FASTKD1: variants seen among roughly 807,000 people sequenced by gnomAD.
FASTKD1 encodes the protein FAST kinase domains 1.
A neutral mutation model predicts 90.9 loss-of-function variants in FASTKD1; 94 were observed. The ratio of observed to expected loss-of-function variants is 1.03; its 90% confidence interval spans 0.88 to 1.23. The LOEUF (loss-of-function observed/expected upper bound fraction) is 1.23. Ranked by LOEUF, FASTKD1 falls within the 50% of genes most tolerant of loss-of-function variation. FASTKD1 has a pLI of 0.00. For synonymous variants in FASTKD1, 319 were observed against 345.8 expected, an observed-to-expected ratio of 0.92 and a Z score of 0.86; for missense variants, 945 against 993.5, an observed-to-expected ratio of 0.95 and a Z score of 0.66.
At chr2:169,535,336 C>G (rs1166713122) in intron 12 of FASTKD1, among the ~76,000 whole-genome samples, 1 of 150,686 alleles carries the variant, frequency 6.6e-6, no homozygotes, top group Non-Finnish European at 1.5e-5. Context: ...GCCACCATGC[C>G]TGATAATTAT....
At chr2:169,572,790 A>G (rs1684291162) in intron 1 of FASTKD1, among the ~76,000 whole-genome samples, 1 of 152,204 alleles carries the variant, frequency 6.6e-6, no homozygotes, top group Non-Finnish European at 1.5e-5. Flanking sequence ...GTTTCAAGTC[A>G]TGCTGAAACA....
chr2:169,557,531 CTGTT>C (rs751168393), intron 5 of FASTKD1, among the ~76,000 whole-genome samples: 70 of 152,204 alleles, frequency 4.6e-4, no homozygotes, highest in Non-Finnish European at 8.5e-4. Context: ...CAATCTTAAA[CTGTT>C]TGAAAAATAC....
chr2:169,566,534 A>C (rs893579038), intron 3 of FASTKD1, among the ~76,000 whole-genome samples: 1 of 152,144 alleles, frequency 6.6e-6, no homozygotes, highest in African/African-American at 2.4e-5. Flanking sequence ...CAACATGGCG[A>C]AATCCCATCT....
chr2:169,546,210 A>C lies in FASTKD1; in HGVS notation c.1701+8T>G. 5.9e-6 allele frequency: 9 copies of C among 1,532,124 alleles called. No individual in the cohort carries two copies. The highest frequency in any genetic ancestry group is 7.9e-6 in the Non-Finnish European group (9 of 1,141,728). 94.9% of individuals were successfully genotyped at this position (1,532,124 alleles called of 1,614,324 possible). ...CTATAAAATTAATGTCTACCATTTA[A>C]ATTTCACCTTTTCAATCTGCTGAAC... On this transcript the variant is annotated splice_region_variant and intron_variant, in intron 8 of 14. Coordinates refer to ENST00000453153, the MANE Select transcript of FASTKD1 (RefSeq NM_024622.6).
chr2:169,572,834 T>C (rs1041981489), intron 1 of FASTKD1, among the ~76,000 whole-genome samples: 5 of 152,176 alleles, frequency 3.3e-5, no homozygotes, highest in East Asian at 1.9e-4. Flanking sequence ...GAAAAAAGAA[T>C]AATTTGTTTT....
In FASTKD1 at chr2:169,555,240, C is replaced by T. The variant is rs1180302156; in HGVS notation, c.1098G>A (p.Leu366=). 6.2e-7 allele frequency: 1 copy of T among 1,608,698 alleles called. No homozygotes were observed. ...SCLIKRVTSV[L]HKHLDGYKPL... Reference sequence around the variant, plus strand: ...GTTTATAGCCATCCAAATGTTTATGCAGAACTGAAGTAACTCTAAAAAGGA... The same window carrying T: ...GTTTATAGCCATCCAAATGTTTATGTAGAACTGAAGTAACTCTAAAAAGGA... The change falls in exon 7 of 15, where the codon CTG becomes CTA. Residue 366 remains leucine, a synonymous_variant. Coordinates refer to ENST00000453153, the MANE Select transcript of FASTKD1 (RefSeq NM_024622.6).
At chr2:169,570,420 T>C (rs1231625382) in intron 2 of FASTKD1, among the ~76,000 whole-genome samples, 2 of 152,172 alleles carry the variant, frequency 1.3e-5, no homozygotes, top group African/African-American at 2.4e-5. Flanking sequence ...GTTTTTCCAC[T>C]GACACCAAGG....
intron 3 of FASTKD1, among the ~76,000 whole-genome samples, chr2:169,563,792 C>T (rs1256822055): frequency 1.3e-5 from 2 of 152,038 alleles, no homozygotes; most frequent in African/African-American, 2.4e-5. Flanking sequence ...CACAGCAACA[C>T]ATATGTAATA....
At chr2:169,541,737 G>C (rs1048305344) in intron 9 of FASTKD1, among the ~76,000 whole-genome samples, 1 of 152,166 alleles carries the variant, frequency 6.6e-6, no homozygotes, top group African/African-American at 2.4e-5. Context: ...GGATATGGAA[G>C]CTCTCAGTAT....
intron 7 of FASTKD1, among the ~76,000 whole-genome samples, chr2:169,554,499 A>T (rs1423025047): frequency 1.8e-5 from 2 of 113,330 alleles, no homozygotes; most frequent in African/African-American, 5.9e-5. Flanking sequence ...TCCCATCTCT[A>T]CTAAAATTAC....
At chr2:169,559,918 C>T (rs951753071) in intron 5 of FASTKD1, among the ~76,000 whole-genome samples, 3 of 152,136 alleles carry the variant, frequency 2.0e-5, no homozygotes, top group Non-Finnish European at 4.4e-5. Context: ...AAATGAGAGG[C>T]GCCACACAAA....
chr2:169,546,320 G>A lies in FASTKD1; in HGVS notation c.1599C>T (p.Tyr533=), dbSNP rs759361829. The change falls in exon 8 of 15, where the codon TAC becomes TAT. Residue 533 remains tyrosine, a synonymous_variant. Coordinates refer to ENST00000453153, the MANE Select transcript of FASTKD1 (RefSeq NM_024622.6). ...AAGATGCAATCTCCCCAACATTTAT[G>A]TAATTAATATCATCCATGAAATGCT... is the stretch of plus-strand genomic sequence containing the variant. ...TLQHFMDDIN[Y]INVGEIASFI... The A allele has an allele frequency of 8.7e-6, 14 of 1,613,800 alleles. No individual in the cohort carries two copies. The highest frequency in any genetic ancestry group is 1.2e-5 in the Non-Finnish European group (14 of 1,179,944).
intron 12 of FASTKD1, among the ~76,000 whole-genome samples, chr2:169,535,816 T>C (rs1262713725): frequency 1.3e-5 from 2 of 152,234 alleles, no homozygotes; most frequent in Non-Finnish European, 2.9e-5. Flanking sequence ...ATAATTCTCA[T>C]TATACCAAGT....
intron 4 of FASTKD1, among the ~76,000 whole-genome samples, chr2:169,561,803 A>AATTTATTGTAAATTAT (rs1683640957): frequency 5.0e-5 from 7 of 140,146 alleles, no homozygotes; most frequent in African/African-American, 1.9e-4. Flanking sequence ...TAAATTATTT[A>AATTTATTGTAAATTAT]TTAATTTATT....
At chr2:169,556,761 A>G (rs1221141416) in intron 6 of FASTKD1, among the ~76,000 whole-genome samples, 1 of 152,128 alleles carries the variant, frequency 6.6e-6, no homozygotes, top group African/African-American at 2.4e-5. Flanking sequence ...TCTGGGGCAG[A>G]GGTTGCAGTG....
At position 169,560,733 on chromosome 2, in the gene FASTKD1, G is replaced by C; in HGVS notation, c.625C>G (p.Gln209Glu). 1.3e-6 allele frequency: 2 copies of C among 1,591,138 alleles called. No individual in the cohort carries two copies. ...NISSLISRHF[Q>E]QQLVNKTELL... ...TCTGTTTTGTTCACCAGTTGTTGTT[G>C]AAAATGTCGTGATATTAAAGAAGAT... The change falls in exon 5 of 15, where the codon CAA becomes GAA. Residue 209 changes from glutamine to glutamate, a missense_variant. Gln to Glu is a conservative substitution (Grantham distance 29). Transcript: ENST00000453153.
intron 13 of FASTKD1, chr2:169,531,070 G>C (rs757202488): frequency 2.9e-6 from 2 of 689,186 alleles, no homozygotes; most frequent in Non-Finnish European, 5.4e-6. Flanking sequence ...TAAGTGCTAT[G>C]AGAAAAGTAG....
At chr2:169,532,502 T>C (rs1224016370) in intron 12 of FASTKD1, among the ~76,000 whole-genome samples, 1 of 151,584 alleles carries the variant, frequency 6.6e-6, no homozygotes, top group Non-Finnish European at 1.5e-5. Flanking sequence ...TATGAAGTTT[T>C]TGGCCAAAAA....
chr2:169,562,230 G>GT (rs1245410429), intron 4 of FASTKD1, among the ~76,000 whole-genome samples: 1 of 141,264 alleles, frequency 7.1e-6, no homozygotes, highest in Non-Finnish European at 1.5e-5. Flanking sequence ...TTTTTTTTTC[G>GT]TTTTTTGTTA....
Sources: allele counts gnomAD v4.1 joint callset (sites outside exome capture counted in the v4.1 genomes callset), GRCh38; gene constraint gnomAD v4.1.1; transcripts MANE v1.5; gene names NCBI Gene and HGNC (gene_info 2026-07-23, HGNC 2026-07-21).